Variants in LTBP1 observed in about 807,000 individuals in gnomAD.
LTBP1 encodes latent-transforming growth factor beta-binding protein 1.
In LTBP1, 129 loss-of-function variants were observed where a neutral mutation model predicts 207.6. The observed-to-expected ratio is 0.62, with a 90% CI of 0.54 to 0.72. The LOEUF is 0.72. Among genes scored for constraint, LTBP1 ranks in the 30% least tolerant of loss-of-function variants. The pLI, the probability that LTBP1 is intolerant of heterozygous loss-of-function variation, is 0.00. For missense variants in LTBP1, 2,281 were observed against 2,217.2 expected (o/e 1.03, Z -0.58); for synonymous variants, 963 against 833.7 (o/e 1.16, Z -2.67).
intron 32 of LTBP1, among the ~76,000 whole-genome samples, chr2:33,391,354 G>A (rs1209239343): frequency 6.6e-6 from 1 of 151,118 alleles, no homozygotes; most frequent in Non-Finnish European, 1.5e-5. Context: ...TTTATGAAAT[G>A]GACCAGAATG....
chr2:33,241,867 G>C (rs1175795266), intron 9 of LTBP1, among the ~76,000 whole-genome samples: 1 of 152,140 alleles, frequency 6.6e-6, no homozygotes, highest in African/African-American at 2.4e-5. Flanking sequence ...ATGAGTTACG[G>C]GGGAATATTT....
intron 5 of LTBP1, among the ~76,000 whole-genome samples, chr2:33,149,415 A>C (rs1347258479): frequency 6.6e-6 from 1 of 152,044 alleles, no homozygotes; most frequent in Non-Finnish European, 1.5e-5. Context: ...GGTCCTTGGA[A>C]AACCCTCCCT....
chr2:33,022,590 G>A (rs62135740), intron 3 of LTBP1, among the ~76,000 whole-genome samples: 53,119 of 152,022 alleles, frequency 0.35, 9,970 homozygotes, highest in Non-Finnish European at 0.41. Flanking sequence ...TGGTTAAATA[G>A]TTTGTTCAAG....
At chr2:33,248,193 C>A (rs1319309460) in intron 10 of LTBP1, among the ~76,000 whole-genome samples, 2 of 152,164 alleles carry the variant, frequency 1.3e-5, no homozygotes, top group African/African-American at 4.8e-5. Context: ...AAAACCATGA[C>A]AATAATAATT....
At chr2:33,395,287 C>T (rs1297958269) in intron 32 of LTBP1, among the ~76,000 whole-genome samples, 3 of 152,148 alleles carry the variant, frequency 2.0e-5, no homozygotes, top group Non-Finnish European at 2.9e-5. Context: ...TGATTCAAAT[C>T]CCATGGTTCA....
chr2:33,253,202 A>C (rs1025481953), intron 11 of LTBP1, among the ~76,000 whole-genome samples: 1 of 152,324 alleles, frequency 6.6e-6, no homozygotes, highest in African/African-American at 2.4e-5. Context: ...ATCAATTCAC[A>C]GTAACTAGAC....
chr2:32,996,763 A>C (rs189849863), intron 2 of LTBP1, among the ~76,000 whole-genome samples: 319 of 152,302 alleles, frequency 2.1e-3, no homozygotes, highest in African/African-American at 7.4e-3. Context: ...GTGTAGTCCA[A>C]GGTTGACTGT....
intron 24 of LTBP1, among the ~76,000 whole-genome samples, chr2:33,331,142 G>T (rs1055613272): frequency 1.3e-5 from 2 of 151,542 alleles, no homozygotes; most frequent in Non-Finnish European, 3.0e-5. Context: ...CTCTTGATCA[G>T]TTTTCCTAGG....
chr2:33,264,121 T>G (rs1447386189), intron 15 of LTBP1, among the ~76,000 whole-genome samples: 1 of 151,614 alleles, frequency 6.6e-6, no homozygotes, highest in Non-Finnish European at 1.5e-5. Flanking sequence ...CTGGGCCTGG[T>G]GGCAGGCATC....
chr2:33,257,460 G>C lies in LTBP1; in HGVS notation c.2344G>C (p.Glu782Gln), dbSNP rs1199803073. The stretch of plus-strand genomic sequence containing the variant: ...TCTCCCAGCCAAGGAAGAGCCAGTG[G>C]AGGCCCTGACCTTCTCCCGGGAACA... ...PPLPAKEEPVEALTFSREHGP... is the reference protein window; with the variant it reads ...PPLPAKEEPVQALTFSREHGP... Residue 782 changes from glutamate to glutamine, a missense_variant, in exon 12 of 34, where the codon GAG becomes CAG. Glu to Gln is a conservative substitution (Grantham distance 29). Around this residue, in one of 3 missense-constraint regions of LTBP1, gnomAD observed 1,671 missense variants for 1,634.8 expected, o/e 1.02. Transcript: ENST00000404816. The C allele has an allele frequency of 6.2e-7, 1 of 1,614,200 alleles. No homozygotes were observed. The highest frequency in any genetic ancestry group is 8.5e-7 in the Non-Finnish European group (1 of 1,180,020).
intron 23 of LTBP1, among the ~76,000 whole-genome samples, chr2:33,312,054 T>C (rs1335709322): frequency 1.3e-5 from 2 of 152,212 alleles, no homozygotes; most frequent in East Asian, 3.8e-4. Context: ...TATGATGGCA[T>C]GTATATACTC....
chr2:33,254,099 T>TAA (rs1038953536), intron 11 of LTBP1, among the ~76,000 whole-genome samples: 1 of 151,882 alleles, frequency 6.6e-6, no homozygotes, highest in Non-Finnish European at 1.5e-5. Context: ...TTGACTGTGT[T>TAA]ACTTGATCTC....
At chr2:33,143,798 T>C (rs1340176025) in intron 5 of LTBP1, among the ~76,000 whole-genome samples, 1 of 151,956 alleles carries the variant, frequency 6.6e-6, no homozygotes, top group Non-Finnish European at 1.5e-5. Flanking sequence ...TTTTTTTTTT[T>C]TTTCTTTCCT....
intron 2 of LTBP1, among the ~76,000 whole-genome samples, chr2:32,971,627 A>G (rs1409013961): frequency 1.3e-5 from 2 of 152,224 alleles, no homozygotes; most frequent in Non-Finnish European, 2.9e-5. Context: ...CCAGCCTTAC[A>G]TCCCAGCGAT....
At chr2:33,065,586 G>A (rs1039001393) in intron 3 of LTBP1, among the ~76,000 whole-genome samples, 1 of 151,868 alleles carries the variant, frequency 6.6e-6, no homozygotes, top group Non-Finnish European at 1.5e-5. Context: ...ATCCCACTTT[G>A]TCAGGGTGTA....
At chr2:32,963,777 A>G (rs1679516874) in intron 2 of LTBP1, among the ~76,000 whole-genome samples, 1 of 152,124 alleles carries the variant, frequency 6.6e-6, no homozygotes, top group Non-Finnish European at 1.5e-5. Context: ...TTTCCCACAC[A>G]CCTACCAAAT....
intron 5 of LTBP1, among the ~76,000 whole-genome samples, chr2:33,158,243 G>T (rs2084166394): frequency 6.6e-6 from 1 of 150,666 alleles, no homozygotes; most frequent in South Asian, 2.1e-4. Context: ...ACAAAAGAAT[G>T]AATACATTGT....
intron 5 of LTBP1, among the ~76,000 whole-genome samples, chr2:33,176,196 A>C (rs1341323051): frequency 1.3e-5 from 2 of 150,482 alleles, no homozygotes; most frequent in Non-Finnish European, 3.0e-5. Context: ...AAAAAGAAAT[A>C]AAATCCAATT....
chr2:33,180,545 G>A (rs546937537), intron 5 of LTBP1, among the ~76,000 whole-genome samples: 7 of 150,042 alleles, frequency 4.7e-5, no homozygotes, highest in South Asian at 2.2e-4. Flanking sequence ...CCTGCCTCCC[G>A]CGTTCAAGTG....
Sources: allele counts gnomAD v4.1 joint callset (sites outside exome capture counted in the v4.1 genomes callset), GRCh38; gene constraint gnomAD v4.1.1; regional missense constraint gnomAD v4.1.1; transcripts MANE v1.5; gene names NCBI Gene and HGNC (gene_info 2026-07-23, HGNC 2026-07-21).